Variants in MYLK observed in about 807,000 individuals in gnomAD.
MYLK encodes the protein myosin light chain kinase, also known as myosin light chain kinase, smooth muscle.
A neutral mutation model predicts 203.4 loss-of-function variants in MYLK; 106 were observed. The ratio of observed to expected loss-of-function variants is 0.52; its 90% CI spans 0.45 to 0.61. The LOEUF (loss-of-function observed/expected upper bound fraction) is 0.61, where lower values mean the gene tolerates loss of function less well. Among genes scored for constraint, MYLK ranks in the 20% least tolerant of loss-of-function variants. The pLI, the probability that MYLK is intolerant of heterozygous loss-of-function variation, is 0.00. For synonymous variants in MYLK, 867 were observed against 959.5 expected (o/e 0.90, Z 1.78); for missense variants, 2,072 against 2,442.3 (o/e 0.85, Z 3.20).
At chr3:123,874,268 C>A (rs1044281190) in intron 2 of MYLK, among the ~76,000 whole-genome samples, 1 of 152,120 alleles carries the variant, frequency 6.6e-6, no homozygotes, top group African/African-American at 2.4e-5. Flanking sequence ...CTACAATAAT[C>A]AATACAGTGT....
At chr3:123,825,268 T>C (rs527999567) in intron 3 of MYLK, among the ~76,000 whole-genome samples, 27 of 151,994 alleles carry the variant, frequency 1.8e-4, no homozygotes, top group Admixed American at 5.2e-4. Flanking sequence ...TATTAAGAAA[T>C]GTTGGTAGGG....
chr3:123,678,989 G>C (rs2060165713), intron 20 of MYLK, among the ~76,000 whole-genome samples: 1 of 152,146 alleles, frequency 6.6e-6, no homozygotes, highest in Non-Finnish European at 1.5e-5. Context: ...ATCCTCCAAA[G>C]GGAGAAAAGA....
chr3:123,705,755 G>T (rs555835422), intron 16 of MYLK, among the ~76,000 whole-genome samples: 4 of 152,092 alleles, frequency 2.6e-5, no homozygotes, highest in Non-Finnish European at 4.4e-5. Context: ...TTCTTGCTCG[G>T]CCTACTCAAC....
At chr3:123,834,387 G>A (rs927505968) in intron 2 of MYLK, among the ~76,000 whole-genome samples, 7 of 152,036 alleles carry the variant, frequency 4.6e-5, no homozygotes, top group Admixed American at 4.6e-4. Flanking sequence ...TTGATAAAAA[G>A]GAAAATAATA....
chr3:123,789,381 G>A (rs532583464), intron 4 of MYLK, among the ~76,000 whole-genome samples: 2 of 152,248 alleles, frequency 1.3e-5, no homozygotes, highest in East Asian at 3.9e-4. Context: ...GGCCTACACA[G>A]GTGTTAGAAG....
intron 2 of MYLK, among the ~76,000 whole-genome samples, chr3:123,858,613 C>T (rs969879298): frequency 2.6e-5 from 4 of 152,126 alleles, no homozygotes; most frequent in Non-Finnish European, 5.9e-5. Flanking sequence ...CAGTTCTCCT[C>T]CCTTGATAGC....
At chr3:123,616,372 T>C (rs1358813831) in intron 33 of MYLK, 1 of 152,200 alleles carries the variant, frequency 6.6e-6, no homozygotes, top group Non-Finnish European at 1.5e-5. Flanking sequence ...ATGTATTTAA[T>C]GTGTATGTGT....
chr3:123,830,374 C>T (rs1305628369), intron 3 of MYLK, among the ~76,000 whole-genome samples: 2 of 152,164 alleles, frequency 1.3e-5, no homozygotes, highest in Non-Finnish European at 2.9e-5. Flanking sequence ...TAGAGTCCAA[C>T]CTTATAGTCA....
In MYLK at chr3:123,700,258, G is replaced by A. The variant is rs200758888; in HGVS notation, c.3210C>T (p.Asp1070=). 76 of 1,612,344 alleles carry A rather than the reference G, an allele frequency of 4.7e-5. 1 individual carries two copies. Among genetic ancestry groups the A allele is most frequent in the African/African-American group, 5.3e-5 (4 of 74,894 alleles). Residue 1070 remains aspartate, a synonymous_variant, in exon 18 of 34, where the codon GAC becomes GAT. Transcript: ENST00000360304. ...KSASKEELKK[D]VKNDVNCKRG... is the part of the protein sequence containing the mutation. ...TCTTGCAGTTCACATCATTCTTAAC[G>A]TCTTTCTTGAGTTCTTCTTTGCTAG...
At chr3:123,620,712 G>T in intron 31 of MYLK, 7 of 936,850 alleles carry the variant, frequency 7.5e-6, no homozygotes, top group Non-Finnish European at 9.1e-6. Context: ...GCCTAGCGGG[G>T]CTATTTCTCG....
intron 4 of MYLK, among the ~76,000 whole-genome samples, chr3:123,774,296 G>A (rs184285768): frequency 6.6e-6 from 1 of 152,228 alleles, no homozygotes; most frequent in African/African-American, 2.4e-5. Context: ...TCAGGCAGAG[G>A]TTACAATACT....
intron 20 of MYLK, among the ~76,000 whole-genome samples, chr3:123,672,393 G>A (rs1023552168): frequency 6.6e-6 from 1 of 152,138 alleles, no homozygotes; most frequent in Non-Finnish European, 1.5e-5. Flanking sequence ...CCAGAGCTGT[G>A]AGAATCAATT....
At chr3:123,730,559 A>G (rs887802961) in intron 11 of MYLK, among the ~76,000 whole-genome samples, 2 of 152,236 alleles carry the variant, frequency 1.3e-5, no homozygotes, top group South Asian at 2.1e-4. Context: ...ATACAATGCA[A>G]TATGATTCAG....
At chr3:123,827,083 T>C (rs1045098449) in intron 3 of MYLK, among the ~76,000 whole-genome samples, 15 of 152,134 alleles carry the variant, frequency 9.9e-5, no homozygotes, top group African/African-American at 3.6e-4. Context: ...AGGAAATATA[T>C]GAAATGCCAG....
At chr3:123,783,554 TCAGA>T (rs2064382324) in intron 4 of MYLK, among the ~76,000 whole-genome samples, 2 of 152,180 alleles carry the variant, frequency 1.3e-5, no homozygotes, top group Admixed American at 1.3e-4. Context: ...GACATTGAAC[TCAGA>T]CAGCTGTACT....
intron 30 of MYLK, among the ~76,000 whole-genome samples, chr3:123,627,379 G>A (rs886569804): frequency 2.0e-5 from 3 of 152,154 alleles, no homozygotes; most frequent in African/African-American, 4.8e-5. Flanking sequence ...TAAAATCTCC[G>A]ACAATCACTG....
intron 3 of MYLK, among the ~76,000 whole-genome samples, chr3:123,823,078 C>T (rs1265433867): frequency 6.6e-6 from 1 of 152,210 alleles, no homozygotes; most frequent in African/African-American, 2.4e-5. Context: ...CACCTCGTGG[C>T]TGCACTAACA....
At chr3:123,647,810 C>T (rs2059074302) in intron 26 of MYLK, among the ~76,000 whole-genome samples, 1 of 152,000 alleles carries the variant, frequency 6.6e-6, no homozygotes, top group Non-Finnish European at 1.5e-5. Context: ...CCTCGGCCTC[C>T]CAAAGTGCTG....
chr3:123,700,184 C>T lies in MYLK; in HGVS notation c.3284G>A (p.Gly1095Glu). 6.2e-7 allele frequency: 1 copy of T among 1,613,954 alleles called. No individual in the cohort carries two copies. The highest frequency in any genetic ancestry group is 8.5e-7 in the Non-Finnish European group (1 of 1,180,012). Reference protein sequence around the residue: ...TDNEKRSESQGTAPAFKQKLQ... With the variant: ...TDNEKRSESQETAPAFKQKLQ... Reference sequence around the variant, plus strand: ...CTTCTGCTTGAAGGCTGGGGCTGTCCCCTGGCTCTCTGATCTCTTTTCATT... The same window carrying T: ...CTTCTGCTTGAAGGCTGGGGCTGTCTCCTGGCTCTCTGATCTCTTTTCATT... The change falls in exon 18 of 34, where the codon GGG (glycine) becomes GAG (glutamate). Residue 1095 changes from glycine (G) to glutamate (E), a missense_variant. This residue lies in a region of MYLK where 865 missense variants were observed against 1,016.0 expected (regional missense o/e 0.85). Coordinates refer to ENST00000360304, the MANE Select transcript of MYLK (RefSeq NM_053025.4).
Sources: gnomAD v4.1 joint callset for allele counts (sites outside exome capture counted in the v4.1 genomes callset) on GRCh38, gnomAD v4.1.1 for gene constraint, gnomAD v4.1.1 regional missense constraint, MANE v1.5 for transcripts, NCBI Gene and HGNC (gene_info 2026-07-23, HGNC 2026-07-21) for gene names.